PTPRT: variants seen among roughly 807,000 people sequenced by gnomAD.
PTPRT encodes protein tyrosine phosphatase receptor type T.
A neutral mutation model predicts 176.8 loss-of-function variants in PTPRT; 56 were observed. The ratio of observed to expected loss-of-function variants is 0.32; its 90% CI spans 0.26 to 0.40. The LOEUF (loss-of-function observed/expected upper bound fraction) is 0.40, where lower values mean the gene tolerates loss of function less well. PTPRT is among the 10% of genes least tolerant of loss of function. PTPRT has a pLI of 1.00. For missense variants in PTPRT, 1,540 were observed against 1,908.2 expected (o/e 0.81, Z 3.60); for synonymous variants, 783 against 739.0 (o/e 1.06, Z -0.96).
intron 18 of PTPRT, among the ~76,000 whole-genome samples, chr20:42,136,118 T>C (rs1044756041): frequency 1.3e-5 from 2 of 151,578 alleles, no homozygotes; most frequent in Admixed American, 6.6e-5. Flanking sequence ...TCAACCCACA[T>C]CCACTTAAAG....
chr20:42,949,228 C>T (rs1981076953), intron 1 of PTPRT, among the ~76,000 whole-genome samples: 1 of 152,210 alleles, frequency 6.6e-6, no homozygotes, highest in Admixed American at 6.5e-5. Context: ...TCTCCCTTTG[C>T]ATCTGCTCTG....
At chr20:42,204,723 C>A (rs933275387) in intron 15 of PTPRT, among the ~76,000 whole-genome samples, 1 of 152,034 alleles carries the variant, frequency 6.6e-6, no homozygotes, top group South Asian at 2.1e-4. Context: ...GACCATGAGT[C>A]CTGTGATTTG....
intron 7 of PTPRT, among the ~76,000 whole-genome samples, chr20:42,555,424 T>C (rs1187858023): frequency 6.6e-6 from 1 of 152,024 alleles, no homozygotes; most frequent in East Asian, 1.9e-4. Flanking sequence ...TACAGAACGA[T>C]AATAGAACAT....
At chr20:43,157,519 G>A (rs1422796859) in intron 1 of PTPRT, among the ~76,000 whole-genome samples, 2 of 152,190 alleles carry the variant, frequency 1.3e-5, no homozygotes, top group African/African-American at 4.8e-5. Context: ...GCTGATTATG[G>A]TGGGAGGGAG....
At chr20:42,206,815 C>T (rs1374702111) in intron 15 of PTPRT, among the ~76,000 whole-genome samples, 1 of 152,256 alleles carries the variant, frequency 6.6e-6, no homozygotes, top group Non-Finnish European at 1.5e-5. Context: ...CTGCCTGCCT[C>T]TGTAGGCTCC....
At position 42,238,739 on chromosome 20, in the gene PTPRT, T is replaced by C. The variant is rs73268901; in HGVS notation, c.2313-2481A>G. Among the ~76,000 whole-genome samples the C allele has an allele frequency of 3.4e-3, 515 of 152,292 alleles. 4 individuals are homozygous for C. The highest frequency in any genetic ancestry group is 0.012 in the African/African-American group (493 of 41,546). ...TTCTTCTTCCCTTTGGACCTCTATTTCCTGATCCATGCACCAAGGTGGATG... is the reference window on the plus strand; with the variant it reads ...TTCTTCTTCCCTTTGGACCTCTATTCCCTGATCCATGCACCAAGGTGGATG... On this transcript the variant is annotated intron_variant, in intron 14 of 30. Coordinates refer to ENST00000373187, the MANE Select transcript of PTPRT (RefSeq NM_007050.6).
At chr20:42,658,019 C>G (rs2075157683) in intron 7 of PTPRT, among the ~76,000 whole-genome samples, 1 of 151,466 alleles carries the variant, frequency 6.6e-6, no homozygotes, top group Non-Finnish European at 1.5e-5. Flanking sequence ...TATCTAGAGC[C>G]AAAGAACCCA....
chr20:42,243,050 G>A (rs2056384659), intron 14 of PTPRT, among the ~76,000 whole-genome samples: 1 of 144,444 alleles, frequency 6.9e-6, no homozygotes, highest in Non-Finnish European at 1.5e-5. Flanking sequence ...AGAAAGGAAG[G>A]GAGGGAGGGA....
At chr20:42,248,591 G>T (rs189904268) in intron 14 of PTPRT, 96 bp downstream of exon 14, 2 of 1,453,776 alleles carry the variant, frequency 1.4e-6, no homozygotes, top group East Asian at 4.6e-5. Flanking sequence ...GAAGATCCCT[G>T]CTGGACAATG....
At chr20:42,065,570 C>G in the PTPRT span, among the ~76,000 whole-genome samples, 1 of 152,218 alleles carries the variant, frequency 6.6e-6, no homozygotes, top group African/African-American at 2.4e-5. Flanking sequence ...GAATCTCCCC[C>G]ATCCCTATGG....
intron 2 of PTPRT, among the ~76,000 whole-genome samples, chr20:42,838,846 C>T (rs1535237): frequency 0.13 from 19,142 of 152,162 alleles, 1,376 homozygotes; most frequent in South Asian, 0.2. Context: ...CCGTGTCCCC[C>T]GCTCATCCTT....
chr20:42,503,830 G>T (rs1335046483), intron 7 of PTPRT, among the ~76,000 whole-genome samples: 1 of 151,904 alleles, frequency 6.6e-6, no homozygotes, highest in East Asian at 1.9e-4. Context: ...CTTAAAACAG[G>T]CCAAGAACTC....
chr20:43,016,244 G>A (rs1985364140), intron 1 of PTPRT, among the ~76,000 whole-genome samples: 1 of 152,112 alleles, frequency 6.6e-6, no homozygotes. Flanking sequence ...CAGACCCTGG[G>A]CACTGTGGAG....
At chr20:42,602,767 G>A (rs955882907) in intron 7 of PTPRT, among the ~76,000 whole-genome samples, 1 of 151,768 alleles carries the variant, frequency 6.6e-6, no homozygotes, top group Non-Finnish European at 1.5e-5. Flanking sequence ...ACAGAACAAG[G>A]AGCAGGGGCT....
At chr20:42,154,044 G>A (rs1484895287) in intron 17 of PTPRT, among the ~76,000 whole-genome samples, 2 of 152,120 alleles carry the variant, frequency 1.3e-5, no homozygotes, top group Admixed American at 6.5e-5. Context: ...GGAGTGAAAC[G>A]AGCAGGTGGA....
chr20:42,904,952 A>C (rs973074549), intron 1 of PTPRT, among the ~76,000 whole-genome samples: 1 of 152,206 alleles, frequency 6.6e-6, no homozygotes, highest in African/African-American at 2.4e-5. Context: ...TAGACCTAAA[A>C]CCATAAAAAC....
In PTPRT at chr20:42,852,660, T is replaced by TA. The variant is rs569405897; in HGVS notation, c.214+33146dup. On this transcript the variant is annotated intron_variant, in intron 2 of 30. Transcript: ENST00000373187. ...TTTCTCCACTGGCTCATCCTAGAGA[T>TA]ACAGCCTTCATTCATGGATTCTGTT... Among the ~76,000 whole-genome samples, 40 of 152,304 alleles carry TA rather than the reference T, an allele frequency of 2.6e-4. No homozygotes were observed. In the East Asian group the frequency reaches 6.8e-3, roughly 26 times the overall value.
intron 3 of PTPRT, among the ~76,000 whole-genome samples, chr20:42,788,972 ACTT>A (rs2077334059): frequency 6.6e-6 from 1 of 152,230 alleles, no homozygotes; most frequent in Non-Finnish European, 1.5e-5. Flanking sequence ...AGGAAACTGA[ACTT>A]CTCATTTTAC....
intron 12 of PTPRT, among the ~76,000 whole-genome samples, chr20:42,292,083 T>C (rs1314571314): frequency 6.6e-6 from 1 of 152,066 alleles, no homozygotes; most frequent in Admixed American, 6.6e-5. Context: ...AGCATATTTT[T>C]GCTCTGTTTG....
Sources: gnomAD v4.1 joint callset for allele counts (sites outside exome capture counted in the v4.1 genomes callset) on GRCh38, gnomAD v4.1.1 for gene constraint, MANE v1.5 for transcripts, NCBI Gene and HGNC (gene_info 2026-07-23, HGNC 2026-07-21) for gene names.